Variants in LOC400499 observed in about 807,000 individuals in gnomAD.
chr16:11,445,482 A>G, the LOC400499 span, among the ~76,000 whole-genome samples: 2 of 151,896 alleles, frequency 1.3e-5, no homozygotes, highest in Non-Finnish European at 2.9e-5. Context: ...GGTCTGTGTG[A>G]GGTGGTCTGG....
the LOC400499 span, among the ~76,000 whole-genome samples, chr16:11,406,813 C>T: frequency 6.6e-6 from 1 of 152,220 alleles, no homozygotes; most frequent in East Asian, 1.9e-4. Context: ...CTTTCCTGGC[C>T]ACCTAATCTA....
the LOC400499 span, among the ~76,000 whole-genome samples, chr16:11,421,738 C>A: frequency 6.6e-5 from 10 of 151,968 alleles, no homozygotes; most frequent in Admixed American, 5.9e-4. Context: ...CGCATAGGGA[C>A]GGAAGGCAGA....
chr16:11,405,239 C>A, the LOC400499 span, among the ~76,000 whole-genome samples: 215 of 152,286 alleles, frequency 1.4e-3, no homozygotes, highest in African/African-American at 4.8e-3. Context: ...CAGCCCAGGG[C>A]TACACGGTGG....
chr16:11,414,499 G>A, the LOC400499 span: 2 of 399,532 alleles, frequency 5.0e-6, no homozygotes, highest in East Asian at 3.6e-5. Context: ...CCTGGCCTGG[G>A]TCTGGGTCTC....
At chr16:11,442,403 G>A in the LOC400499 span, 1 of 152,024 alleles carries the variant, frequency 6.6e-6, no homozygotes, top group Non-Finnish European at 1.5e-5. Flanking sequence ...TTTGTATTTA[G>A]TAGAGATGGG....
chr16:11,518,530 C>T, the LOC400499 span, among the ~76,000 whole-genome samples: 1 of 152,076 alleles, frequency 6.6e-6, no homozygotes, highest in Non-Finnish European at 1.5e-5. Flanking sequence ...CACTCAACAA[C>T]AATGCCCAAG....
the LOC400499 span, among the ~76,000 whole-genome samples, chr16:11,463,952 C>T: frequency 2.6e-5 from 4 of 151,824 alleles, no homozygotes; most frequent in East Asian, 1.9e-4. Context: ...GTGTACACCA[C>T]GGACATGTGA....
the LOC400499 span, chr16:11,500,880 G>A: frequency 7.5e-6 from 3 of 399,170 alleles, no homozygotes; most frequent in East Asian, 1.1e-4. Context: ...CACCTCGTCT[G>A]CCTCCACCGC....
the LOC400499 span, among the ~76,000 whole-genome samples, chr16:11,506,922 C>A: frequency 6.6e-6 from 1 of 152,228 alleles, no homozygotes; most frequent in Admixed American, 6.5e-5. Context: ...CCCTGCAAAG[C>A]CATTTCTAGC....
At chr16:11,387,030 C>T in the LOC400499 span, 2 of 1,113,072 alleles carry the variant, frequency 1.8e-6, no homozygotes, top group Non-Finnish European at 2.3e-6. Context: ...TGTGATGCTA[C>T]TAGCCTATGG....
chr16:11,478,570 C>T, the LOC400499 span: 4 of 398,948 alleles, frequency 1.0e-5, no homozygotes, highest in Non-Finnish European at 4.4e-6. Flanking sequence ...GTTAAGGGGC[C>T]AGTGGTTCAC....
the LOC400499 span, among the ~76,000 whole-genome samples, chr16:11,520,522 C>T: frequency 3.9e-5 from 6 of 152,098 alleles, no homozygotes; most frequent in Admixed American, 2.6e-4. Flanking sequence ...CCAGGCGTGG[C>T]GGAGCGCACC....
the LOC400499 span, chr16:11,456,989 G>A: frequency 2.4e-5 from 37 of 1,535,852 alleles, no homozygotes; most frequent in Non-Finnish European, 2.9e-5. Context: ...GGCTCAAGTG[G>A]TAAAGCTGCA....
the LOC400499 span, among the ~76,000 whole-genome samples, chr16:11,476,048 GCTATT>G: frequency 6.6e-6 from 1 of 152,138 alleles, no homozygotes. Context: ...ATGAGAAGGA[GCTATT>G]GTTCCAGACA....
chr16:11,428,535 T>C, the LOC400499 span, among the ~76,000 whole-genome samples: 4 of 152,106 alleles, frequency 2.6e-5, no homozygotes, highest in Admixed American at 2.6e-4. Flanking sequence ...CATTTGTAAA[T>C]GACCATGGCG....
chr16:11,484,634 G>A, the LOC400499 span, among the ~76,000 whole-genome samples: 2 of 152,102 alleles, frequency 1.3e-5, no homozygotes, highest in African/African-American at 4.8e-5. Flanking sequence ...TTGAGGTGGT[G>A]GACAGGCAGG....
At chr16:11,477,703 G>C in the LOC400499 span, 4 of 396,050 alleles carry the variant, frequency 1.0e-5, no homozygotes. Context: ...CTTGGCACAG[G>C]TGTTCTGCAG....
chr16:11,455,030 TG>T, the LOC400499 span, among the ~76,000 whole-genome samples: 1 of 152,134 alleles, frequency 6.6e-6, no homozygotes, highest in Non-Finnish European at 1.5e-5. Flanking sequence ...TCTGACCACC[TG>T]GAAAAAAGTT....
chr16:11,388,211 A>C, the LOC400499 span, among the ~76,000 whole-genome samples: 1 of 152,040 alleles, frequency 6.6e-6, no homozygotes, highest in Non-Finnish European at 1.5e-5. Context: ...TGGCACCCCC[A>C]CCTAGCAGTG....
Sources: gnomAD v4.1 joint callset for allele counts (sites outside exome capture counted in the v4.1 genomes callset) on GRCh38, gnomAD v4.1.1 for gene constraint, MANE v1.5 for transcripts.